The following PIK3R6 variants were observed in gnomAD, a reference collection of about 807,000 sequenced individuals.
PIK3R6 encodes phosphoinositide-3-kinase regulatory subunit 6.
PIK3R6 carries 91 observed loss-of-function variants against 84.9 expected under a neutral mutation model. That is an observed-to-expected ratio of 1.07 (90% CI 0.90 to 1.28). PIK3R6 has a LOEUF of 1.28. Among genes scored for constraint, PIK3R6 ranks in the 50% most tolerant of loss-of-function variants. PIK3R6 has a pLI of 0.00. For missense variants in PIK3R6, 996 were observed against 985.1 expected (o/e 1.01, Z -0.15); for synonymous variants, 416 against 411.4 (o/e 1.01, Z -0.13).
chr17:8,806,427 T>C (rs1017904295), intron 18 of PIK3R6, among the ~76,000 whole-genome samples: 1 of 152,238 alleles, frequency 6.6e-6, no homozygotes, highest in African/African-American at 2.4e-5. Context: ...ACACAGTCTC[T>C]GGGCCTCCTC....
At chr17:8,843,952 A>G (rs148700781) in intron 2 of PIK3R6, among the ~76,000 whole-genome samples, 204 of 152,310 alleles carry the variant, frequency 1.3e-3, no homozygotes, top group African/African-American at 4.5e-3. Context: ...AAGGTGCAGA[A>G]GAAGGTTGAT....
intron 17 of PIK3R6, 92 bp from the exon 18 acceptor site, chr17:8,819,290 A>T (rs1245993098): frequency 1.1e-6 from 1 of 912,856 alleles, no homozygotes; most frequent in Non-Finnish European, 1.6e-6. Flanking sequence ...ACCCATCTTG[A>T]CACCCCCAGC....
In PIK3R6 at chr17:8,819,941, T is replaced by A. The variant is rs12386054; in HGVS notation, c.1880-743A>T. On this transcript the variant is annotated intron_variant, in intron 17 of 19. Coordinates refer to ENST00000619866, the MANE Select transcript of PIK3R6 (RefSeq NM_001010855.4). ...ATATTTTATATATATATATATATTT[T>A]TATATATATATATATTTTTTTTTTG... Among the ~76,000 whole-genome samples, 298 of 82,944 alleles carry A rather than the reference T, an allele frequency of 3.6e-3. 2 individuals carry two copies. Among genetic ancestry groups the A allele is most frequent in the African/African-American group, 0.015 (271 of 17,756 alleles). The allele number at this position is 82,944 out of a possible 152,430, so 54.4% of individuals were successfully genotyped here. A position where few individuals can be genotyped will look rare whatever the true frequency, so the allele number is the denominator to read the frequency against.
In PIK3R6 at chr17:8,809,942, C is replaced by T. The variant is rs137858386; in HGVS notation, c.1996-5789G>A. On this transcript the variant is annotated intron_variant, in intron 18 of 19. Coordinates refer to ENST00000619866, the MANE Select transcript of PIK3R6 (RefSeq NM_001010855.4). The stretch of plus-strand genomic sequence containing the variant: ...ATCTATAATGATAAAGGGATCAATT[C>T]AACAAGAAGACATAACAATTCTAAA... Among the ~76,000 whole-genome samples the T allele has an allele frequency of 3.2e-3, 488 of 152,186 alleles. 1 individual carries two copies. The highest frequency in any genetic ancestry group is 0.011 in the African/African-American group (474 of 41,506).
chr17:8,820,095 C>T (rs747752222), intron 17 of PIK3R6, among the ~76,000 whole-genome samples: 6 of 149,690 alleles, frequency 4.0e-5, no homozygotes, highest in Non-Finnish European at 8.9e-5. Context: ...TACAGGCGGG[C>T]TCCACCACAC....
At chr17:8,813,032 A>G (rs2087404537) in intron 18 of PIK3R6, among the ~76,000 whole-genome samples, 1 of 152,202 alleles carries the variant, frequency 6.6e-6, no homozygotes, top group Admixed American at 6.5e-5. Flanking sequence ...GAAGAATCAA[A>G]TAAGCACAAT....
chr17:8,849,689 T>G, intron 2 of PIK3R6, 93 bp downstream of exon 2: 1 of 1,381,874 alleles, frequency 7.2e-7, no homozygotes, highest in Non-Finnish European at 9.6e-7. Context: ...GTGCAGGGGG[T>G]CCTGCCAGCC....
chr17:8,840,059 C>T (rs1401218642), intron 2 of PIK3R6, among the ~76,000 whole-genome samples: 1 of 151,160 alleles, frequency 6.6e-6, no homozygotes, highest in Non-Finnish European at 1.5e-5. Flanking sequence ...ATGTATATAT[C>T]CTCCAAACAT....
intron 11 of PIK3R6, 147 bp downstream of exon 11, chr17:8,828,420 G>A (rs2088024522): frequency 9.4e-7 from 1 of 1,063,774 alleles, no homozygotes; most frequent in South Asian, 1.6e-5. Flanking sequence ...TGACGGCTGC[G>A]GGCACTGTGC....
intron 8 of PIK3R6, among the ~76,000 whole-genome samples, chr17:8,834,156 C>CAAA (rs71135927): frequency 3.4e-4 from 16 of 46,380 alleles, no homozygotes; most frequent in South Asian, 7.9e-4. Flanking sequence ...GACTTCGTCT[C>CAAA]AAAAAAAAAA....
At chr17:8,826,480 GA>G (rs2087921855) in intron 13 of PIK3R6, among the ~76,000 whole-genome samples, 2 of 152,120 alleles carry the variant, frequency 1.3e-5, no homozygotes, top group South Asian at 4.1e-4. Context: ...CCTTTTCAGG[GA>G]CATGGTGAAG....
chr17:8,842,886 A>G lies in PIK3R6; in HGVS notation c.14-3189T>C, dbSNP rs1303246562. ...GAAGTAAGTAGAATAGAGATAACAA[A>G]TTTAAAAATCAGCAGATTGCAGTCC... On this transcript the variant is annotated intron_variant, in intron 2 of 19. Coordinates refer to ENST00000619866, the MANE Select transcript of PIK3R6 (RefSeq NM_001010855.4). The surrounding 1 kb of genome is among the most constrained non-coding windows in gnomAD (Gnocchi z 4.5). Among the ~76,000 whole-genome samples, 9 of 152,326 alleles carry G rather than the reference A, an allele frequency of 5.9e-5. No homozygotes were observed. Among genetic ancestry groups the G allele is most frequent in the African/African-American group, 2.2e-4 (9 of 41,580 alleles).
chr17:8,847,400 A>G (rs1281250082), intron 2 of PIK3R6, among the ~76,000 whole-genome samples: 1 of 152,138 alleles, frequency 6.6e-6, no homozygotes, highest in East Asian at 1.9e-4. Context: ...CCTCTGAAAT[A>G]TTGCTCTTTT....
chr17:8,829,178 GAC>G lies in PIK3R6; in HGVS notation c.890-190_890-189del, dbSNP rs1454466744. Reference sequence around the variant, plus strand: ...AGATGCACACACATACACATGTACAGACACAGACAGACATACACACACGTGCA... The same window carrying G: ...AGATGCACACACATACACATGTACAGACAGACAGACATACACACACGTGCA... On this transcript the variant is annotated intron_variant, in intron 10 of 19. Transcript: ENST00000619866. 9.1e-5 allele frequency among the ~76,000 whole-genome samples: 12 copies of G among 131,818 alleles called. 1 individual carries two copies. In the East Asian group the frequency reaches 1.1e-3, roughly 12 times the overall value. The allele number at this position is 131,818 out of a possible 152,430, so 86.5% of individuals were successfully genotyped here.
chr17:8,823,279 T>C, intron 14 of PIK3R6, 108 bp downstream of exon 14: 6 of 878,280 alleles, frequency 6.8e-6, no homozygotes, highest in Non-Finnish European at 1.1e-5. Context: ...ACCAAGAGCG[T>C]CTGGGTGTGT....
rs746027525 is a variant in PIK3R6 at position 8,828,891 on chromosome 17, A to G, written c.989T>C (p.Leu330Ser). The change falls in exon 11 of 20, where the codon TTG becomes TCG. Residue 330 changes from leucine (L) to serine (S), a missense_variant. By Grantham distance (145) the Leu-to-Ser change is moderately radical. Transcript: ENST00000619866. ...AGTGGACAGCACAGAAACCCGGGCC[A>G]ACTCCCGGTCCGGCCGGAGGCCCTG... ...DLQGLRPDRE[L>S]ARVSVLSTDS... The G allele has an allele frequency of 3.8e-6, 6 of 1,572,884 alleles. No individual in the cohort carries two copies. The highest frequency in any genetic ancestry group is 5.2e-6 in the Non-Finnish European group (6 of 1,158,810).
At chr17:8,817,308 A>G (rs1476889338) in intron 18 of PIK3R6, among the ~76,000 whole-genome samples, 3 of 152,148 alleles carry the variant, frequency 2.0e-5, no homozygotes, top group Admixed American at 1.3e-4. Context: ...TGCTTTTTTT[A>G]TATTTTCCAA....
At position 8,803,668 on chromosome 17, in the gene PIK3R6, A is replaced by G. The variant is rs1655563668; in HGVS notation, c.2109-239T>C. The G allele has an allele frequency of 1.8e-6, 1 of 550,008 alleles. No individual in the cohort carries two copies. The highest frequency in any genetic ancestry group is 1.9e-5 in the African/African-American group (1 of 52,708). The allele number at this position is 550,008 out of a possible 1,614,324, so 34.1% of individuals were successfully genotyped here. The stretch of plus-strand genomic sequence containing the variant: ...CTGCGCATGCCTCCCTTACCCAAAC[A>G]CACCTCCCGAGGGGAAGCCAGTAAG... On this transcript the variant is annotated intron_variant, in intron 19 of 19. Coordinates refer to ENST00000619866, the MANE Select transcript of PIK3R6 (RefSeq NM_001010855.4). This position sits in a 1 kb window ranked among gnomAD's most constrained non-coding sequence, Gnocchi z 5.0.
rs1296436722 is a variant in PIK3R6 at position 8,842,723 on chromosome 17, A to G, written c.14-3026T>C. ...GTTCCTCTTTGACTGGGCTATCAGG[A>G]AACTTACGGTCAAATTGGGGCCCAG... is the stretch of plus-strand genomic sequence containing the variant. On this transcript the variant is annotated intron_variant, in intron 2 of 19. Transcript: ENST00000619866. The surrounding 1 kb of genome is among the most constrained non-coding windows in gnomAD (Gnocchi z 4.5). Among the ~76,000 whole-genome samples, 2 of 152,058 alleles carry G rather than the reference A, an allele frequency of 1.3e-5. No homozygotes were observed. The highest frequency in any genetic ancestry group is 4.8e-5 in the African/African-American group (2 of 41,398).
Sources: gnomAD v4.1 joint callset for allele counts (sites outside exome capture counted in the v4.1 genomes callset) on GRCh38, gnomAD v4.1.1 for gene constraint, Gnocchi (gnomAD v3.1) non-coding constraint, MANE v1.5 for transcripts, NCBI Gene and HGNC (gene_info 2026-07-23, HGNC 2026-07-21) for gene names.